Variants in RAD51B observed in about 807,000 individuals in gnomAD.
The protein encoded by RAD51B is RAD51 paralog B, also known as DNA repair protein RAD51 homolog 2.
A neutral mutation model predicts 42.2 loss-of-function variants in RAD51B; 38 were observed. That is an observed-to-expected ratio of 0.90 (90% CI 0.70 to 1.18). The LOEUF is 1.18. RAD51B is among the 50% of genes most tolerant of loss of function. The pLI is 0.00. For missense variants in RAD51B, 373 were observed against 400.7 expected (o/e 0.93, Z 0.59); for synonymous variants, 154 against 145.2 (o/e 1.06, Z -0.43).
chr14:68,335,241 G>A (rs904450343), intron 8 of RAD51B, among the ~76,000 whole-genome samples: 9 of 144,296 alleles, frequency 6.2e-5, no homozygotes, highest in African/African-American at 2.3e-4. Context: ...AGGTTGTAGT[G>A]AGCCGAGATC....
chr14:68,502,513 A>G (rs1313082449), intron 10 of RAD51B, among the ~76,000 whole-genome samples: 3 of 152,234 alleles, frequency 2.0e-5, no homozygotes. Context: ...GGAGAGGGAA[A>G]AATAAACCCC....
At chr14:68,634,770 G>A (rs1297538897) in intron 10 of RAD51B, among the ~76,000 whole-genome samples, 1 of 152,200 alleles carries the variant, frequency 6.6e-6, no homozygotes, top group Non-Finnish European at 1.5e-5. Flanking sequence ...CGTAGGCCTG[G>A]GATGCTGAGT....
chr14:68,055,525 A>G (rs980486315), intron 7 of RAD51B, among the ~76,000 whole-genome samples: 19 of 152,352 alleles, frequency 1.2e-4, no homozygotes, highest in African/African-American at 4.3e-4. Context: ...TGCTAGATAT[A>G]GAAATCTTCT....
chr14:67,955,329 GC>G (rs2074526335), intron 7 of RAD51B, among the ~76,000 whole-genome samples: 1 of 152,134 alleles, frequency 6.6e-6, no homozygotes, highest in Non-Finnish European at 1.5e-5. Flanking sequence ...ACTACTTAGG[GC>G]TGGATCACAA....
chr14:67,848,523 C>T (rs2139935138), intron 4 of RAD51B, among the ~76,000 whole-genome samples: 1 of 151,428 alleles, frequency 6.6e-6, no homozygotes, highest in South Asian at 2.1e-4. Context: ...TGAGTCTTGT[C>T]TTTTTTTTTC....
At chr14:67,976,095 G>A (rs997830125) in intron 7 of RAD51B, among the ~76,000 whole-genome samples, 11 of 142,922 alleles carry the variant, frequency 7.7e-5, no homozygotes, top group Middle Eastern at 3.8e-3. Flanking sequence ...TTTTGTTTTC[G>A]CTTGATTTTT....
intron 10 of RAD51B, among the ~76,000 whole-genome samples, chr14:68,549,125 C>T (rs1372663934): frequency 2.0e-5 from 3 of 152,092 alleles, no homozygotes; most frequent in Non-Finnish European, 2.9e-5. Context: ...TCTTCAAAAG[C>T]CACCAGATAG....
chr14:68,027,456 C>T (rs1288932492), intron 7 of RAD51B, among the ~76,000 whole-genome samples: 1 of 152,018 alleles, frequency 6.6e-6, no homozygotes, highest in Non-Finnish European at 1.5e-5. Flanking sequence ...CTCTTTTTTT[C>T]TCACTCAGGA....
intron 4 of RAD51B, among the ~76,000 whole-genome samples, chr14:67,852,829 G>T (rs2041872262): frequency 6.6e-6 from 1 of 152,120 alleles, no homozygotes; most frequent in Admixed American, 6.6e-5. Flanking sequence ...CAGAAATGTT[G>T]TAGTAGGCAG....
intron 7 of RAD51B, among the ~76,000 whole-genome samples, chr14:68,014,146 T>A (rs1301666357): frequency 6.6e-6 from 1 of 152,082 alleles, no homozygotes; most frequent in Non-Finnish European, 1.5e-5. Flanking sequence ...ATGAAGATAT[T>A]TTATCAGGGA....
At chr14:68,444,478 G>A (rs913153339) in intron 9 of RAD51B, among the ~76,000 whole-genome samples, 14 of 151,688 alleles carry the variant, frequency 9.2e-5, no homozygotes, top group Non-Finnish European at 1.9e-4. Flanking sequence ...GTGTTTTGAG[G>A]TGAAAGAGGT....
At chr14:68,593,028 A>C (rs1890827111) in intron 10 of RAD51B, among the ~76,000 whole-genome samples, 1 of 152,206 alleles carries the variant, frequency 6.6e-6, no homozygotes, top group African/African-American at 2.4e-5. Flanking sequence ...CTAGAGAAGG[A>C]ACCTAGGCAC....
At chr14:67,915,529 G>A (rs545198447) in intron 7 of RAD51B, among the ~76,000 whole-genome samples, 1 of 152,298 alleles carries the variant, frequency 6.6e-6, no homozygotes, top group Admixed American at 6.5e-5. Context: ...ATGACGTTGG[G>A]TTAAGTATTG....
chr14:68,456,923 C>CTTTTTTTTTTTTTTTTTT (rs1176116647), intron 9 of RAD51B, among the ~76,000 whole-genome samples: 40 of 60,584 alleles, frequency 6.6e-4, no homozygotes, highest in Non-Finnish European at 7.8e-4. Flanking sequence ...TTTTTTTTTG[C>CTTTTTTTTTTTTTTTTTT]TTTTTTTGAG....
chr14:68,496,686 A>G (rs1033449616), intron 10 of RAD51B, among the ~76,000 whole-genome samples: 2 of 152,248 alleles, frequency 1.3e-5, no homozygotes, highest in East Asian at 3.8e-4. Flanking sequence ...GCAGGACCAT[A>G]TGCAGTGAAT....
chr14:68,125,286 C>T (rs2077733564), intron 7 of RAD51B: 1 of 152,182 alleles, frequency 6.6e-6, no homozygotes, highest in South Asian at 2.1e-4. Context: ...TTAATTCTCT[C>T]ATTGTCTTCA....
chr14:68,004,737 C>G (rs1566571993), intron 7 of RAD51B, among the ~76,000 whole-genome samples: 1 of 152,126 alleles, frequency 6.6e-6, no homozygotes, highest in Non-Finnish European at 1.5e-5. Context: ...GTCCCAGAAG[C>G]CCCCACTGTG....
Position 68,461,504 on chromosome 14 carries a change from C to T in RAD51B, c.958-6668C>T, listed in dbSNP as rs956873789. Among the ~76,000 whole-genome samples the T allele has an allele frequency of 3.9e-5, 6 of 152,162 alleles. No individual in the cohort carries two copies. In the South Asian group the frequency reaches 1.2e-3, roughly 32 times the overall value. On this transcript the variant is annotated intron_variant, in intron 9 of 10. Transcript: ENST00000471583. ...AGAACCAGGTAGCCTGGGTTGGAAC[C>T]CAGCTTCAGTACTTATAAGCTACCT...
intron 7 of RAD51B, among the ~76,000 whole-genome samples, chr14:68,277,030 A>G (rs1403264484): frequency 2.6e-5 from 4 of 152,208 alleles, no homozygotes; most frequent in Admixed American, 6.5e-5. Flanking sequence ...GTGTTAGGGA[A>G]GGAAGCCTTA....
Sources: gnomAD v4.1 joint callset for allele counts (sites outside exome capture counted in the v4.1 genomes callset) on GRCh38, gnomAD v4.1.1 for gene constraint, MANE v1.5 for transcripts, NCBI Gene and HGNC (gene_info 2026-07-23, HGNC 2026-07-21) for gene names.